HLCS: variants seen among roughly 807,000 people sequenced by gnomAD.
HLCS encodes biotin--protein ligase.
A neutral mutation model predicts 75.0 loss-of-function variants in HLCS; 53 were observed. That is an observed-to-expected ratio of 0.71 (90% CI 0.57 to 0.89). HLCS has a LOEUF of 0.89. HLCS is among the 40% of genes least tolerant of loss of function. The pLI, the probability that HLCS is intolerant of heterozygous loss-of-function variation, is 0.00. For synonymous variants in HLCS, 431 were observed against 428.6 expected (o/e 1.01, Z -0.07); for missense variants, 966 against 1,074.0 (o/e 0.90, Z 1.41).
At chr21:36,821,448 G>A (rs2061838432) in intron 6 of HLCS, among the ~76,000 whole-genome samples, 2 of 152,190 alleles carry the variant, frequency 1.3e-5, no homozygotes, top group Admixed American at 1.3e-4. Flanking sequence ...TATTCATTCA[G>A]TTCACTGGCA....
At chr21:36,824,459 G>A (rs2061946941) in intron 6 of HLCS, among the ~76,000 whole-genome samples, 1 of 152,094 alleles carries the variant, frequency 6.6e-6, no homozygotes, top group Non-Finnish European at 1.5e-5. Context: ...AAAGGGGAGG[G>A]AGAGCATCAG....
At chr21:36,931,054 C>T (rs890979594) in intron 4 of HLCS, among the ~76,000 whole-genome samples, 3 of 152,188 alleles carry the variant, frequency 2.0e-5, no homozygotes, top group South Asian at 2.1e-4. Context: ...GAAGCCAAGG[C>T]GGGCAGATCA....
chr21:36,930,463 T>C (rs770633254), intron 4 of HLCS, 30 bp from the exon 5 acceptor site: 1 of 1,575,306 alleles, frequency 6.3e-7, no homozygotes, highest in African/African-American at 1.3e-5. Context: ...CTATGTAAAC[T>C]GAGGGCACTC....
intron 1 of HLCS, among the ~76,000 whole-genome samples, chr21:36,986,505 G>A (rs1318068844): frequency 1.3e-5 from 2 of 152,254 alleles, no homozygotes; most frequent in South Asian, 2.1e-4. Context: ...CACAACCTCC[G>A]CCTCCCGGGT....
At chr21:36,770,141 C>CTTTTT (rs902358188) in intron 6 of HLCS, among the ~76,000 whole-genome samples, 52 of 103,612 alleles carry the variant, frequency 5.0e-4, no homozygotes, top group Admixed American at 1.2e-3. Flanking sequence ...ACTATAGATG[C>CTTTTT]TTTTTTTTTT....
chr21:36,888,322 G>A (rs1482133246), intron 6 of HLCS, among the ~76,000 whole-genome samples: 1 of 151,362 alleles, frequency 6.6e-6, no homozygotes, highest in East Asian at 1.9e-4. Flanking sequence ...CTAGGTAGGT[G>A]TGCACAAAGC....
At chr21:36,968,171 T>C (rs542611353), upstream of HLCS, among the ~76,000 whole-genome samples, 47 of 152,238 alleles carry the variant, frequency 3.1e-4, no homozygotes, top group Non-Finnish European at 6.0e-4. Context: ...TTATTTTTCA[T>C]AGAGACAGGG....
intron 2 of HLCS, among the ~76,000 whole-genome samples, chr21:36,940,599 C>T (rs774329416): frequency 6.6e-6 from 1 of 152,156 alleles, no homozygotes; most frequent in Non-Finnish European, 1.5e-5. Context: ...GAAGAACAGA[C>T]TAGATAATAG....
intron 6 of HLCS, among the ~76,000 whole-genome samples, chr21:36,855,633 A>G (rs113227979): frequency 0.27 from 41,520 of 151,566 alleles, 6,763 homozygotes; most frequent in African/African-American, 0.45. Context: ...CAGGCTGGAA[A>G]TGGCACAATC....
intron 2 of HLCS, among the ~76,000 whole-genome samples, chr21:36,960,956 T>C (rs183582878): frequency 6.6e-6 from 1 of 152,210 alleles, no homozygotes; most frequent in East Asian, 1.9e-4. Context: ...TGAGACAGGG[T>C]ATTTTCACAG....
intron 6 of HLCS, among the ~76,000 whole-genome samples, chr21:36,844,994 G>T (rs577859423): frequency 6.6e-6 from 1 of 152,022 alleles, no homozygotes; most frequent in Non-Finnish European, 1.5e-5. Flanking sequence ...AATTAAGGCC[G>T]ATGTGCAAAT....
At chr21:36,946,546 A>C (rs2067406567) in intron 2 of HLCS, among the ~76,000 whole-genome samples, 2 of 152,098 alleles carry the variant, frequency 1.3e-5, no homozygotes, top group African/African-American at 4.8e-5. Context: ...CCGGCCCCCC[A>C]CAACAAAATC....
At position 36,753,995 on chromosome 21, in the gene HLCS, G is replaced by A. The variant is rs371819968; in HGVS notation, c.*251C>T. The A allele has an allele frequency of 2.1e-5, 12 of 563,286 alleles. 2 individuals are homozygous for A. The highest frequency in any genetic ancestry group is 1.5e-4 in the Admixed American group (5 of 32,592). The allele number at this position is 563,286 out of a possible 1,614,324, so 34.9% of individuals were successfully genotyped here. On this transcript the variant is annotated 3_prime_UTR_variant, in exon 11 of 11. Transcript: ENST00000674895. The surrounding 1 kb of genome is among the most constrained non-coding windows in gnomAD (Gnocchi z 4.3). ...AAACGTAAGTCCAAGCCACAGAGGGGAGAGCAATTTCCCACCTGTGGGAGG... is the reference window on the plus strand; with the variant it reads ...AAACGTAAGTCCAAGCCACAGAGGGAAGAGCAATTTCCCACCTGTGGGAGG...
chr21:36,928,945 C>T (rs1043899781), intron 5 of HLCS, among the ~76,000 whole-genome samples: 1 of 152,176 alleles, frequency 6.6e-6, no homozygotes, highest in African/African-American at 2.4e-5. Context: ...TATCACCTCC[C>T]ACTGCCCCAG....
intron 6 of HLCS, among the ~76,000 whole-genome samples, chr21:36,818,217 C>T (rs1445572557): frequency 1.3e-5 from 2 of 152,196 alleles, no homozygotes; most frequent in Non-Finnish European, 2.9e-5. Flanking sequence ...TTGGAGCAAT[C>T]TATCAGACTA....
intron 6 of HLCS, among the ~76,000 whole-genome samples, chr21:36,781,664 G>T (rs2060538118): frequency 6.6e-6 from 1 of 152,136 alleles, no homozygotes; most frequent in Non-Finnish European, 1.5e-5. Flanking sequence ...TCTGCAAACA[G>T]ATAGTTTTAC....
intron 4 of HLCS, among the ~76,000 whole-genome samples, chr21:36,931,283 C>CAAAAAAA (rs57829948): frequency 1.1e-4 from 8 of 75,444 alleles, no homozygotes; most frequent in African/African-American, 1.6e-4. Flanking sequence ...AACTCCATCG[C>CAAAAAAA]AAAAAAAAAA....
At chr21:36,782,656 C>G (rs1350669656) in intron 6 of HLCS, among the ~76,000 whole-genome samples, 2 of 152,212 alleles carry the variant, frequency 1.3e-5, no homozygotes, top group Admixed American at 1.3e-4. Flanking sequence ...TAAGACTCTC[C>G]TCAACCATTT....
chr21:36,931,062 T>A (rs1285785127), intron 4 of HLCS, among the ~76,000 whole-genome samples: 1 of 152,132 alleles, frequency 6.6e-6, no homozygotes, highest in East Asian at 1.9e-4. Flanking sequence ...GGCGGGCAGA[T>A]CACCTGAGGT....
Sources: allele counts gnomAD v4.1 joint callset (sites outside exome capture counted in the v4.1 genomes callset), GRCh38; gene constraint gnomAD v4.1.1; non-coding constraint Gnocchi (gnomAD v3.1); transcripts MANE v1.5; gene names NCBI Gene and HGNC (gene_info 2026-07-23, HGNC 2026-07-21).